Variants in NQO2 observed in about 807,000 individuals in gnomAD.
NQO2 encodes N-ribosyldihydronicotinamide:quinone dehydrogenase 2.
Under a neutral mutation model 22.0 loss-of-function variants are expected in NQO2, and 18 were observed. That is an observed-to-expected ratio of 0.82 (90% CI 0.56 to 1.21). The LOEUF (loss-of-function observed/expected upper bound fraction) is 1.21, where lower values mean the gene tolerates loss of function less well. Ranked by LOEUF, NQO2 falls within the 50% of genes most tolerant of loss-of-function variation. The pLI is 0.00. For synonymous variants in NQO2, 106 were observed against 110.8 expected, an observed-to-expected ratio of 0.96 and a Z score of 0.28; for missense variants, 267 against 286.9, an observed-to-expected ratio of 0.93 and a Z score of 0.50.
At chr6:3,009,114 A>T (rs758986462) in intron 2 of NQO2, among the ~76,000 whole-genome samples, 4 of 152,164 alleles carry the variant, frequency 2.6e-5, no homozygotes, top group African/African-American at 4.8e-5. Context: ...GCGCTACGGG[A>T]GACTGGGGCT....
intron 5 of NQO2, 196 bp from the exon 6 acceptor site, chr6:3,016,688 A>G (rs1297403153): frequency 4.3e-6 from 4 of 928,998 alleles, no homozygotes; most frequent in Non-Finnish European, 5.1e-6. Context: ...TGCTTGGTCC[A>G]TTCACTTGGA....
intron 1 of NQO2, among the ~76,000 whole-genome samples, chr6:3,001,203 C>T (rs1458671608): frequency 6.6e-6 from 1 of 151,810 alleles, no homozygotes; most frequent in Non-Finnish European, 1.5e-5. Flanking sequence ...TATTCTCCTG[C>T]CTCAGTCTCC....
intron 3 of NQO2, 154 bp from the exon 4 acceptor site, chr6:3,012,390 C>T (rs901022203): frequency 1.0e-6 from 1 of 985,304 alleles, no homozygotes; most frequent in Non-Finnish European, 1.2e-6. Flanking sequence ...CTTCTCTTTC[C>T]CTAGCTCGGA....
At chr6:3,005,560 C>A in intron 1 of NQO2, 3 of 732,860 alleles carry the variant, frequency 4.1e-6, no homozygotes, top group Non-Finnish European at 5.0e-6. Context: ...CCTACACAAG[C>A]CTTCTGCCCA....
chr6:3,008,613 T>C (rs955745558), intron 2 of NQO2, among the ~76,000 whole-genome samples: 1 of 152,122 alleles, frequency 6.6e-6, no homozygotes, highest in African/African-American at 2.4e-5. Flanking sequence ...TAGCTGGGCG[T>C]AGTGGCACAC....
intron 4 of NQO2, 77 bp from the exon 5 acceptor site, chr6:3,015,453 G>A (rs747281699): frequency 4.0e-5 from 61 of 1,544,298 alleles, no homozygotes; most frequent in Middle Eastern, 1.9e-4. Context: ...GCTTCATTCC[G>A]AATCACCAGA....
intron 6 of NQO2, among the ~76,000 whole-genome samples, chr6:3,018,694 G>A (rs2756083): frequency 4.6e-5 from 7 of 152,094 alleles, no homozygotes; most frequent in Non-Finnish European, 8.8e-5. Flanking sequence ...TCTTTGAAAG[G>A]AAAAAGTACG....
chr6:3,009,819 A>G (rs1161162939), intron 2 of NQO2: 1 of 509,484 alleles, frequency 2.0e-6, no homozygotes, highest in Non-Finnish European at 2.5e-6. Context: ...GTGAGCTGAG[A>G]TCATGCCACT....
At chr6:3,016,720 A>T (rs933552069) in intron 5 of NQO2, 164 bp from the exon 6 acceptor site, 1 of 980,702 alleles carries the variant, frequency 1.0e-6, no homozygotes, top group Admixed American at 6.2e-5. Context: ...TCCTCTTGGG[A>T]TGTCATTGTC....
At chr6:3,012,810 T>G in intron 4 of NQO2, 136 bp downstream of exon 4, 1 of 842,928 alleles carries the variant, frequency 1.2e-6, no homozygotes, top group Non-Finnish European at 1.8e-6. Context: ...GAGCAAATAT[T>G]GTAACCTGGT....
At chr6:3,005,664 A>G (rs957787207) in intron 1 of NQO2, 1 of 985,248 alleles carries the variant, frequency 1.0e-6, no homozygotes, top group Non-Finnish European at 1.2e-6. Context: ...GTCTCCTTGT[A>G]TCTCCCAGAA....
chr6:3,016,131 T>TA (rs567939463), intron 5 of NQO2, among the ~76,000 whole-genome samples: 143 of 152,318 alleles, frequency 9.4e-4, no homozygotes, highest in Non-Finnish European at 1.4e-3. Context: ...GAATTCTTAC[T>TA]AAAACAATGA....
Position 3,010,096 on chromosome 6 carries a change from G to A in NQO2, c.79G>A (p.Val27Ile), listed in dbSNP as rs745578664. The change falls in exon 3 of 7, where the codon GTA becomes ATA. Residue 27 changes from valine to isoleucine, a missense_variant. Physicochemically the swap from Val to Ile is conservative, Grantham distance 29. Transcript: ENST00000380455. ...SFNGSLKNVA[V>I]DELSRQGCTV... ...CAACGGATCCTTGAAGAATGTGGCT[G>A]TAGATGAACTGAGCAGGCAGGGCTG... The A allele has an allele frequency of 1.2e-6, 2 of 1,614,090 alleles. No homozygotes were observed. Among genetic ancestry groups the A allele is most frequent in the East Asian group, 2.2e-5 (1 of 44,870 alleles).
At chr6:3,012,817 T>A in intron 4 of NQO2, 143 bp downstream of exon 4, 3 of 772,186 alleles carry the variant, frequency 3.9e-6, no homozygotes, top group Non-Finnish European at 6.1e-6. Context: ...TATTGTAACC[T>A]GGTTACAACA....
chr6:3,015,597 G>T lies in NQO2; in HGVS notation c.371G>T (p.Gly124Val). ...TGGATGGATAGGGTGCTGTGCCAGG[G>T]CTTTGCCTTTGACATCCCAGGATTC... Reference protein sequence around the residue: ...KGWMDRVLCQGFAFDIPGFYD... With the variant: ...KGWMDRVLCQVFAFDIPGFYD... Residue 124 changes from glycine to valine, a missense_variant, in exon 5 of 7, where the codon GGC becomes GTC. By Grantham distance (109) the Gly-to-Val change is moderately radical (BLOSUM62 -3). Coordinates refer to ENST00000380455, the MANE Select transcript of NQO2 (RefSeq NM_000904.6). The T allele has an allele frequency of 6.2e-7, 1 of 1,614,178 alleles. No individual in the cohort carries two copies. The highest frequency in any genetic ancestry group is 1.3e-5 in the African/African-American group (1 of 75,054).
chr6:3,003,738 T>A, intron 1 of NQO2: 1 of 752,576 alleles, frequency 1.3e-6, no homozygotes, highest in Middle Eastern at 6.5e-4. Flanking sequence ...AAGGGATGAA[T>A]GTGACCTCTC....
At chr6:3,001,859 A>C (rs1448696083) in intron 1 of NQO2, among the ~76,000 whole-genome samples, 1 of 152,190 alleles carries the variant, frequency 6.6e-6, no homozygotes, top group Admixed American at 6.5e-5. Context: ...GAGAACTGTC[A>C]CTGCTGTGGA....
chr6:3,001,094 T>C (rs1208937229), intron 1 of NQO2, among the ~76,000 whole-genome samples: 1 of 148,956 alleles, frequency 6.7e-6, no homozygotes, highest in African/African-American at 2.5e-5. Context: ...CTTTTTCTTT[T>C]TTTTTTTTTT....
chr6:3,010,317 G>T, intron 3 of NQO2, 128 bp downstream of exon 3: 2 of 724,484 alleles, frequency 2.8e-6, no homozygotes, highest in Non-Finnish European at 4.4e-6. Context: ...AAAACAAATA[G>T]ATAGCACTGG....
Sources: allele counts gnomAD v4.1 joint callset (sites outside exome capture counted in the v4.1 genomes callset), GRCh38; gene constraint gnomAD v4.1.1; transcripts MANE v1.5; gene names NCBI Gene and HGNC (gene_info 2026-07-23, HGNC 2026-07-21).